The following ROS1 variants were observed in gnomAD, a reference collection of about 807,000 sequenced individuals.
ROS1 encodes proto-oncogene tyrosine-protein kinase ROS.
ROS1 carries 263 observed loss-of-function variants against 273.5 expected under a neutral mutation model. The ratio of observed to expected loss-of-function variants is 0.96; its 90% CI spans 0.87 to 1.06. The LOEUF (loss-of-function observed/expected upper bound fraction) is 1.06. ROS1 is among the 50% of genes least tolerant of loss of function. The pLI is 0.00. For synonymous variants in ROS1, 1,008 were observed against 954.1 expected (o/e 1.06, Z -1.04); for missense variants, 2,833 against 2,751.1 (o/e 1.03, Z -0.67).
intron 35 of ROS1, among the ~76,000 whole-genome samples, chr6:117,323,351 T>C (rs1776413143): frequency 6.6e-6 from 1 of 152,180 alleles, no homozygotes; most frequent in Non-Finnish European, 1.5e-5. Context: ...GCTGTCTTTA[T>C]CCTGAGAGTT....
chr6:117,374,655 A>T (rs1476553210), intron 18 of ROS1, among the ~76,000 whole-genome samples: 2 of 152,272 alleles, frequency 1.3e-5, no homozygotes, highest in African/African-American at 4.8e-5. Flanking sequence ...AAGCTTCTGC[A>T]CAGCAAAATA....
rs1243368383 is a variant in ROS1, at chr6:117,353,117, G to A, written c.4176C>T (p.Ile1392=). ...TCTGTGTGCTGTCCTTTGCTGTGAT[G>A]ATCCAGTATATAAGATCTCCATCCA... ...LTVDGDLIYW[I]ITAKDSTQIY... is the part of the protein sequence containing the mutation. Residue 1392 remains isoleucine (I), a synonymous_variant, in exon 27 of 44, where the codon ATC becomes ATT. Coordinates refer to ENST00000368507, the MANE Select transcript of ROS1 (RefSeq NM_001378902.1). 1 of 1,613,902 alleles carries A rather than the reference G, an allele frequency of 6.2e-7. No individual in the cohort carries two copies. The highest frequency in any genetic ancestry group is 1.7e-5 in the Admixed American group (1 of 59,990).
intron 43 of ROS1, among the ~76,000 whole-genome samples, chr6:117,300,085 G>C (rs1424708826): frequency 4.7e-5 from 1 of 21,472 alleles, no homozygotes; most frequent in East Asian, 7.1e-4. Flanking sequence ...ACCAGGACAG[G>C]CTTTTTTTTT....
chr6:117,359,787 G>C, intron 24 of ROS1, 22 bp downstream of exon 24: 1 of 1,595,608 alleles, frequency 6.3e-7, no homozygotes, highest in Non-Finnish European at 8.6e-7. Flanking sequence ...CTTTATTTCG[G>C]AAGAATTACA....
intron 31 of ROS1, among the ~76,000 whole-genome samples, chr6:117,337,810 T>G (rs1482619780): frequency 6.6e-6 from 1 of 152,110 alleles, no homozygotes; most frequent in Non-Finnish European, 1.5e-5. Flanking sequence ...CACAGTGACT[T>G]ACAAACTAAG....
At chr6:117,288,923 G>A in intron 43 of ROS1, 121 bp from the exon 44 acceptor site, 1 of 782,940 alleles carries the variant, frequency 1.3e-6, no homozygotes, top group Non-Finnish European at 2.0e-6. Context: ...AAACATTTAT[G>A]AAGACTACTA....
chr6:117,422,237 C>T (rs1322910280), intron 1 of ROS1, among the ~76,000 whole-genome samples: 1 of 152,192 alleles, frequency 6.6e-6, no homozygotes, highest in African/African-American at 2.4e-5. Flanking sequence ...TCTCAAACTC[C>T]TGGGCTGAAG....
intron 33 of ROS1, chr6:117,328,436 GTA>G (rs1776804525): frequency 3.0e-6 from 1 of 328,176 alleles, no homozygotes; most frequent in South Asian, 5.3e-5. Flanking sequence ...AGGTTAGAAT[GTA>G]TTTCACTCTG....
At chr6:117,422,222 G>A (rs1775810144) in intron 1 of ROS1, among the ~76,000 whole-genome samples, 2 of 152,084 alleles carry the variant, frequency 1.3e-5, no homozygotes, top group Non-Finnish European at 2.9e-5. Flanking sequence ...TGTTGCCCAG[G>A]CTGGTCTCAA....
Position 117,300,982 on chromosome 6 carries a change from C to G in ROS1, c.6707G>C (p.Ser2236Thr), listed in dbSNP as rs750686582. 62 of 1,562,492 alleles carry G rather than the reference C, an allele frequency of 4.0e-5. No individual in the cohort carries two copies. The highest frequency in any genetic ancestry group is 4.8e-5 in the Non-Finnish European group (56 of 1,159,506). Residue 2236 changes from serine to threonine, a missense_variant, in exon 43 of 44, where the codon AGC becomes ACC. Transcript: ENST00000368507. ...TGAAGAATCAAACTTACCTTCAAAG[C>G]TTTCATTTATGACTCCACTGTTGTT... ...EANNSGVINE[S>T]FEGEDGDVIC...
At chr6:117,388,022 A>C in intron 13 of ROS1, 30 bp from the exon 14 acceptor site, 1 of 1,613,820 alleles carries the variant, frequency 6.2e-7, no homozygotes, top group Non-Finnish European at 8.5e-7. Context: ...AATATCACTG[A>C]TCAGGATGAC....
chr6:117,303,819 T>C (rs1289734574), intron 42 of ROS1, among the ~76,000 whole-genome samples: 1 of 152,176 alleles, frequency 6.6e-6, no homozygotes, highest in Non-Finnish European at 1.5e-5. Flanking sequence ...GTAATGCCTG[T>C]GGAGCTAGAA....
At chr6:117,423,702 C>CTTTTTT (rs564177817) in intron 1 of ROS1, among the ~76,000 whole-genome samples, 1 of 147,268 alleles carries the variant, frequency 6.8e-6, no homozygotes. Flanking sequence ...CTTGTGGTGA[C>CTTTTTT]TTTTTTTTTT....
In ROS1 at chr6:117,389,426, C is replaced by T. The variant is rs555947222; in HGVS notation, c.1710G>A (p.Pro570=). ...AGCCAAACAGCACCGAAAGCTCCTG[C>T]GGGCGGCCTGGCAGAGGGTGCAGCT... ...SSQLHPLPGR[P]QELSVLFGSH... is the part of the protein sequence containing the mutation. The change falls in exon 13 of 44, where the codon CCG becomes CCA. Residue 570 remains proline, a synonymous_variant. Transcript: ENST00000368507. The T allele has an allele frequency of 2.9e-5, 47 of 1,614,154 alleles. No individual in the cohort carries two copies. The highest frequency in any genetic ancestry group is 5.5e-5 in the South Asian group (5 of 91,074).
At position 117,389,474 on chromosome 6, in the gene ROS1, C is replaced by T. The variant is rs2128704295; in HGVS notation, c.1662G>A (p.Leu554=). Reference sequence around the variant, plus strand: ...GCTGGGAGGATGAGCCAAAGATGACCAAGTTACCAAACCCAAATTCTTCTA... The same window carrying T: ...GCTGGGAGGATGAGCCAAAGATGACTAAGTTACCAAACCCAAATTCTTCTA... The part of the protein sequence containing the change: ...SHIEEFGFGN[L]VIFGSSSQLH... The change falls in exon 13 of 44, where the codon TTG becomes TTA. Residue 554 remains leucine, a synonymous_variant. Coordinates refer to ENST00000368507, the MANE Select transcript of ROS1 (RefSeq NM_001378902.1). 6.2e-7 allele frequency: 1 copy of T among 1,614,136 alleles called. No individual in the cohort carries two copies. Among genetic ancestry groups the T allele is most frequent in the Non-Finnish European group, 8.5e-7 (1 of 1,180,034 alleles).
rs1158871186 is a variant in ROS1, at chr6:117,344,098, C to A, written c.4468G>T (p.Asp1490Tyr). The part of the protein sequence containing the change: ...TYLVYYAEVN[D>Y]RKNSSDLKYR... ...TTCAAGTCAGAGCTGTTTTTCCTGT[C>A]ATTAACTTCTGCATAATAAACCAGG... The change falls in exon 28 of 44, where the codon GAC becomes TAC. Residue 1490 changes from aspartate to tyrosine, a missense_variant. Transcript: ENST00000368507. 1 of 1,613,950 alleles carries A rather than the reference C, an allele frequency of 6.2e-7. No homozygotes were observed. Among genetic ancestry groups the A allele is most frequent in the Admixed American group, 1.7e-5 (1 of 59,964 alleles).
chr6:117,405,910 A>G (rs1328914946), intron 5 of ROS1, among the ~76,000 whole-genome samples: 2 of 152,236 alleles, frequency 1.3e-5, no homozygotes, highest in African/African-American at 2.4e-5. Flanking sequence ...GGTTAATAAT[A>G]GTATGTATAA....
intron 39 of ROS1, among the ~76,000 whole-genome samples, chr6:117,313,090 C>T (rs534176668): frequency 1.6e-4 from 25 of 152,226 alleles, no homozygotes; most frequent in African/African-American, 4.6e-4. Context: ...TTACAACCTA[C>T]CATGTAGCAA....
intron 1 of ROS1, among the ~76,000 whole-genome samples, chr6:117,420,110 C>G (rs1425844074): frequency 2.0e-5 from 3 of 152,024 alleles, no homozygotes; most frequent in Non-Finnish European, 4.4e-5. Context: ...CCTCATTTTA[C>G]AGCTGGGGCA....
Sources: allele counts gnomAD v4.1 joint callset (sites outside exome capture counted in the v4.1 genomes callset), GRCh38; gene constraint gnomAD v4.1.1; transcripts MANE v1.5; gene names NCBI Gene and HGNC (gene_info 2026-07-23, HGNC 2026-07-21).